Variants in HDGFL2 observed in about 807,000 individuals in gnomAD.
The protein encoded by HDGFL2 is HDGF like 2, also known as hepatoma-derived growth factor-related protein 2.
A neutral mutation model predicts 77.1 loss-of-function variants in HDGFL2; 36 were observed. The ratio of observed to expected loss-of-function variants is 0.47; its 90% CI spans 0.36 to 0.62. The LOEUF (loss-of-function observed/expected upper bound fraction) is 0.62. HDGFL2 is among the 20% of genes least tolerant of loss of function. HDGFL2 has a pLI of 0.00. For synonymous variants in HDGFL2, 463 were observed against 413.1 expected (o/e 1.12, Z -1.46); for missense variants, 976 against 973.4 (o/e 1.00, Z -0.04).
chr19:4,481,621 C>T (rs541634013), intron 3 of HDGFL2, among the ~76,000 whole-genome samples: 71 of 152,150 alleles, frequency 4.7e-4, no homozygotes, highest in Non-Finnish European at 6.8e-4. Flanking sequence ...CCACCGCGCC[C>T]GGCCAATTTT....
At position 4,502,123 on chromosome 19, in the gene HDGFL2, G is replaced by A. The variant is rs1328900846; in HGVS notation, c.*113G>A. ...GGGGAACGCTGTGCTGTTTGTATTT[G>A]TTCCCTTGGGTTTTTTTTTCCTGCC... On this transcript the variant is annotated 3_prime_UTR_variant, in exon 16 of 16. Coordinates refer to ENST00000616600, the MANE Select transcript of HDGFL2 (RefSeq NM_001001520.3). 5.0e-6 allele frequency: 4 copies of A among 793,304 alleles called. No homozygotes were observed. The highest frequency in any genetic ancestry group is 1.5e-5 in the South Asian group (1 of 67,482). 49.1% of individuals were successfully genotyped at this position (793,304 alleles called of 1,614,324 possible). A position where few individuals can be genotyped will look rare whatever the true frequency, so the allele number is the denominator to read the frequency against.
chr19:4,492,917 G>GT, intron 6 of HDGFL2, among the ~76,000 whole-genome samples: 2 of 123,340 alleles, frequency 1.6e-5, no homozygotes, highest in Middle Eastern at 4.7e-3. Flanking sequence ...GTGTCTGTGT[G>GT]GTGTGTATCT....
chr19:4,481,783 A>G (rs961722203), intron 3 of HDGFL2, among the ~76,000 whole-genome samples: 4 of 151,806 alleles, frequency 2.6e-5, no homozygotes, highest in Admixed American at 1.3e-4. Context: ...AAAACAGAGG[A>G]TTTGGTAGTG....
intron 3 of HDGFL2, among the ~76,000 whole-genome samples, chr19:4,481,023 A>ATTT (rs35117226): frequency 7.5e-6 from 1 of 132,612 alleles, no homozygotes; most frequent in Non-Finnish European, 1.6e-5. Flanking sequence ...AACCCGGCTA[A>ATTT]TTTTTTTTTT....
chr19:4,498,061 A>ACT, intron 11 of HDGFL2, 30 bp downstream of exon 11: 1 of 1,524,924 alleles, frequency 6.6e-7, no homozygotes, highest in Non-Finnish European at 8.9e-7. Context: ...CACTGCCCAC[A>ACT]CTGAGTTCAC....
intron 3 of HDGFL2, chr19:4,486,422 G>C (rs1378644705): frequency 6.6e-6 from 1 of 152,058 alleles, no homozygotes; most frequent in Non-Finnish European, 1.5e-5. Flanking sequence ...TGAGTAATGG[G>C]GCTGAGGCAG....
At chr19:4,501,034 G>T (rs2145224017) in intron 14 of HDGFL2, among the ~76,000 whole-genome samples, 157 bp from the exon 15 acceptor site, 1 of 152,350 alleles carries the variant, frequency 6.6e-6, no homozygotes, top group Admixed American at 6.5e-5. Context: ...CATGTCAGGA[G>T]CTTGCAGACT....
chr19:4,483,408 AGGTTCCCTCCTGT>A (rs1266157270), intron 3 of HDGFL2, among the ~76,000 whole-genome samples: 1 of 152,142 alleles, frequency 6.6e-6, no homozygotes, highest in African/African-American at 2.4e-5. Flanking sequence ...GGAAGGGCCG[AGGTTCCCTCCTGT>A]GGTTCCCTCC....
rs1007755174 is a variant in HDGFL2, at chr19:4,494,377, G to C, written c.1126G>C (p.Glu376Gln). Residue 376 changes from glutamate to glutamine, a missense_variant, in exon 9 of 16, where the codon GAG becomes CAG. By Grantham distance (29) the Glu-to-Gln change is conservative. This residue lies in a region of HDGFL2 where 567 missense variants were observed against 534.7 expected (regional missense o/e 1.06). Transcript: ENST00000616600. ...CGGCAGCAGCGGGGACGAGCTCAGG[G>C]AGGACGATGAGCCCGTCAAGAAGCG... Reference protein sequence around the residue: ...SGGSSGDELREDDEPVKKRGR... With the variant: ...SGGSSGDELRQDDEPVKKRGR... The C allele has an allele frequency of 2.1e-6, 3 of 1,405,632 alleles. No homozygotes were observed. The highest frequency in any genetic ancestry group is 2.8e-6 in the Non-Finnish European group (3 of 1,084,806). 87.1% of individuals were successfully genotyped at this position (1,405,632 alleles called of 1,614,324 possible).
chr19:4,496,845 A>C, intron 10 of HDGFL2: 3 of 392,808 alleles, frequency 7.6e-6, no homozygotes, highest in Non-Finnish European at 1.5e-5. Flanking sequence ...TGTGGTGGGC[A>C]GACAGAGCCT....
At chr19:4,492,849 T>TGATATGTG (rs1555687380) in intron 6 of HDGFL2, among the ~76,000 whole-genome samples, 32 of 148,452 alleles carry the variant, frequency 2.2e-4, no homozygotes, top group Middle Eastern at 3.5e-3. Flanking sequence ...GGTGTGTGTG[T>TGATATGTG]TGTCTGTGTG....
Position 4,501,955 on chromosome 19 carries a change from G to T in HDGFL2, c.1961G>T (p.Arg654Leu). 1 of 1,502,116 alleles carries T rather than the reference G, an allele frequency of 6.7e-7. No individual in the cohort carries two copies. The highest frequency in any genetic ancestry group is 8.8e-7 in the Non-Finnish European group (1 of 1,131,542). 93.0% of individuals were successfully genotyped at this position (1,502,116 alleles called of 1,614,324 possible). The change falls in exon 16 of 16, where the codon CGG becomes CTG. Residue 654 changes from arginine to leucine, a missense_variant. Physicochemically the swap from Arg to Leu is moderately radical, Grantham distance 102. Coordinates refer to ENST00000616600, the MANE Select transcript of HDGFL2 (RefSeq NM_001001520.3). ...GACCTGGACAGGCCTGGGAGCGACC[G>T]GCAGGAGCGCGAGAGGGCACGGGGG... Reference protein sequence around the residue: ...GPDLDRPGSDRQERERARGDS... With the variant: ...GPDLDRPGSDLQERERARGDS...
intron 1 of HDGFL2, among the ~76,000 whole-genome samples, chr19:4,473,105 G>A (rs1384777891): frequency 2.6e-5 from 4 of 151,558 alleles, no homozygotes; most frequent in Non-Finnish European, 5.9e-5. Context: ...GACGGTCTGG[G>A]GGTCCCGGGC....
intron 14 of HDGFL2, 26 bp from the exon 15 acceptor site, chr19:4,501,165 T>A: frequency 6.2e-7 from 1 of 1,612,394 alleles, no homozygotes; most frequent in Non-Finnish European, 8.5e-7. Flanking sequence ...CCCAGCAGTG[T>A]CCTGTGACCC....
In HDGFL2 at chr19:4,500,398, A is replaced by G. The variant is rs373483353; in HGVS notation, c.1789+694A>G. ...ACTTCCTGGGCGCAAGCCATCCTCC[A>G]CCTCAGCCTCCTGAGGAGCTGGGAT... On this transcript the variant is annotated intron_variant, in intron 14 of 15. Coordinates refer to ENST00000616600, the MANE Select transcript of HDGFL2 (RefSeq NM_001001520.3). Among the ~76,000 whole-genome samples the G allele has an allele frequency of 2.1e-4, 31 of 145,086 alleles. 1 individual carries two copies. The East Asian group carries it at 6.1e-3, about 28-fold the overall frequency.
Position 4,475,426 on chromosome 19 carries a change from C to T in HDGFL2, c.150-19C>T, listed in dbSNP as rs1460329602. On this transcript the variant is annotated intron_variant, in intron 2 of 15. Transcript: ENST00000616600. ...GTGGCCTCACTCACCTGGGACTGGC[C>T]CCCGTTTCCCTTCTCCAGAGCCTTC... 6.2e-7 allele frequency: 1 copy of T among 1,613,904 alleles called. No individual in the cohort carries two copies. The highest frequency in any genetic ancestry group is 1.1e-5 in the South Asian group (1 of 91,070).
intron 14 of HDGFL2, among the ~76,000 whole-genome samples, chr19:4,500,890 G>T (rs1351119349): frequency 2.6e-5 from 4 of 152,178 alleles, no homozygotes; most frequent in Non-Finnish European, 4.4e-5. Context: ...GTGAGCCCCC[G>T]TGCCCGACCT....
At position 4,501,277 on chromosome 19, in the gene HDGFL2, G is replaced by A. The variant is rs1033728201; in HGVS notation, c.1876G>A (p.Glu626Lys). The change falls in exon 15 of 16, where the codon GAG becomes AAG. Residue 626 changes from glutamate (E) to lysine (K), a missense_variant. By Grantham distance (56) the Glu-to-Lys change is moderately conservative. Transcript: ENST00000616600. Reference sequence around the variant, plus strand: ...GGAGCACGAGGAGGGTCGGGACTCGGAGGAGGGGCCAAGGTGTGGCTCCTC... The same window carrying A: ...GGAGCACGAGGAGGGTCGGGACTCGAAGGAGGGGCCAAGGTGTGGCTCCTC... Reference protein sequence around the residue: ...DKEHEEGRDSEEGPRCGSSED... With the variant: ...DKEHEEGRDSKEGPRCGSSED... 27 of 1,611,906 alleles carry A rather than the reference G, an allele frequency of 1.7e-5. No individual in the cohort carries two copies. The highest frequency in any genetic ancestry group is 4.0e-5 in the African/African-American group (3 of 74,910).
At chr19:4,491,082 T>C (rs944935040) in intron 4 of HDGFL2, among the ~76,000 whole-genome samples, 1 of 152,110 alleles carries the variant, frequency 6.6e-6, no homozygotes, top group Non-Finnish European at 1.5e-5. Context: ...AGTGCTGGGA[T>C]TACAGGTGTG....
Sources: allele counts gnomAD v4.1 joint callset (sites outside exome capture counted in the v4.1 genomes callset), GRCh38; gene constraint gnomAD v4.1.1; regional missense constraint gnomAD v4.1.1; transcripts MANE v1.5; gene names NCBI Gene and HGNC (gene_info 2026-07-23, HGNC 2026-07-21).